Variants in CSGALNACT1 observed in about 807,000 individuals in gnomAD.
CSGALNACT1 encodes the protein chondroitin sulfate N-acetylgalactosaminyltransferase 1.
CSGALNACT1 carries 52 observed loss-of-function variants against 51.0 expected under a neutral mutation model. The observed-to-expected ratio is 1.02, with a 90% CI of 0.82 to 1.29. The LOEUF (loss-of-function observed/expected upper bound fraction) is 1.29. Ranked by LOEUF, CSGALNACT1 falls within the 50% of genes most tolerant of loss-of-function variation. The pLI, the probability that CSGALNACT1 is intolerant of heterozygous loss-of-function variation, is 0.00. For synonymous variants in CSGALNACT1, 341 were observed against 254.4 expected (o/e 1.34, Z -3.24); for missense variants, 935 against 679.2 (o/e 1.38, Z -4.19).
At chr8:19,747,142 C>A (rs1046111026) in intron 1 of CSGALNACT1, among the ~76,000 whole-genome samples, 2 of 152,244 alleles carry the variant, frequency 1.3e-5, no homozygotes, top group South Asian at 4.2e-4. Context: ...ACCCTCTGTG[C>A]ACCAGTAAAA....
chr8:19,537,605 A>G (rs991076724), intron 3 of CSGALNACT1, among the ~76,000 whole-genome samples: 3 of 152,218 alleles, frequency 2.0e-5, no homozygotes, highest in African/African-American at 7.2e-5. Flanking sequence ...CAGGATGGGA[A>G]GCCTGCAGGC....
chr8:19,754,196 T>C (rs992846987), intron 1 of CSGALNACT1, among the ~76,000 whole-genome samples: 9 of 152,130 alleles, frequency 5.9e-5, no homozygotes, highest in African/African-American at 2.2e-4. Context: ...CCCAGCTAAT[T>C]TTTGTATTTT....
intron 1 of CSGALNACT1, among the ~76,000 whole-genome samples, chr8:19,700,448 T>C (rs2061803114): frequency 6.6e-6 from 1 of 152,200 alleles, no homozygotes; most frequent in South Asian, 2.1e-4. Context: ...CTCATAATGG[T>C]ACTAAGGTGT....
Position 19,584,871 on chromosome 8 carries a change from A to G in CSGALNACT1, c.-297+6289T>C, listed in dbSNP as rs114379816. Among the ~76,000 whole-genome samples the G allele has an allele frequency of 5.0e-3, 759 of 152,278 alleles. 8 individuals are homozygous for G. The highest frequency in any genetic ancestry group is 0.017 in the African/African-American group (709 of 41,562). ...GACCAACAGCAAAGTAGATACTCTGAAGCAAGGGATGGTGACACTGTCCTG... is the reference window on the plus strand; with the variant it reads ...GACCAACAGCAAAGTAGATACTCTGGAGCAAGGGATGGTGACACTGTCCTG... On this transcript the variant is annotated intron_variant, in intron 3 of 9. Transcript: ENST00000454498.
At chr8:19,691,909 G>T (rs1295933162) in intron 1 of CSGALNACT1, among the ~76,000 whole-genome samples, 1 of 152,050 alleles carries the variant, frequency 6.6e-6, no homozygotes, top group Non-Finnish European at 1.5e-5. Context: ...CTGCTACAAA[G>T]AACTGCCCAA....
At position 19,539,414 on chromosome 8, in the gene CSGALNACT1, G is replaced by A. The variant is rs146972519; in HGVS notation, c.-296-33284C>T. Among the ~76,000 whole-genome samples the A allele has an allele frequency of 2.3e-3, 349 of 152,278 alleles. 4 individuals are homozygous for A. The highest frequency in any genetic ancestry group is 7.5e-3 in the African/African-American group (312 of 41,554). ...CAAGAAAGCTAAGTCCATTAGAACA[G>A]GGATCTTCCAAGTCCTATATTCTAC... On this transcript the variant is annotated intron_variant, in intron 3 of 9. Coordinates refer to ENST00000454498, the Ensembl canonical transcript of CSGALNACT1.
At chr8:19,423,121 T>A (rs78211070) in intron 6 of CSGALNACT1, among the ~76,000 whole-genome samples, 2,328 of 152,204 alleles carry the variant, frequency 0.015, 52 homozygotes, top group African/African-American at 0.054. Flanking sequence ...ACAGGAGAGT[T>A]CAACTACAAA....
intron 4 of CSGALNACT1, among the ~76,000 whole-genome samples, chr8:19,469,482 C>T (rs766712101): frequency 6.6e-6 from 1 of 152,144 alleles, no homozygotes; most frequent in Non-Finnish European, 1.5e-5. Context: ...CAATAAGTTT[C>T]AGGGGTGTAA....
chr8:19,560,043 G>A (rs187279089), intron 3 of CSGALNACT1, among the ~76,000 whole-genome samples: 2 of 152,250 alleles, frequency 1.3e-5, no homozygotes, highest in East Asian at 1.9e-4. Flanking sequence ...ATAGACAAAC[G>A]GCACTGACTA....
intron 5 of CSGALNACT1, among the ~76,000 whole-genome samples, chr8:19,454,713 A>T (rs891987448): frequency 6.6e-6 from 1 of 152,144 alleles, no homozygotes; most frequent in Non-Finnish European, 1.5e-5. Flanking sequence ...AGAAGATGAG[A>T]CACAGAAGGC....
At chr8:19,504,053 C>G (rs1329025358) in intron 4 of CSGALNACT1, among the ~76,000 whole-genome samples, 1 of 152,136 alleles carries the variant, frequency 6.6e-6, no homozygotes, top group Non-Finnish European at 1.5e-5. Flanking sequence ...GTTAGGTGGA[C>G]ACAGCTATAT....
chr8:19,658,734 A>C (rs2058509459), intron 1 of CSGALNACT1, among the ~76,000 whole-genome samples: 2 of 152,066 alleles, frequency 1.3e-5, no homozygotes, highest in Non-Finnish European at 2.9e-5. Context: ...GCCCTGTCTC[A>C]AAACAACAAC....
At chr8:19,718,821 C>T (rs761000503) in intron 1 of CSGALNACT1, among the ~76,000 whole-genome samples, 1 of 152,174 alleles carries the variant, frequency 6.6e-6, no homozygotes, top group African/African-American at 2.4e-5. Flanking sequence ...CAAGGATCAC[C>T]ACGACCGTGA....
chr8:19,545,725 A>T (rs1010327170), intron 3 of CSGALNACT1, among the ~76,000 whole-genome samples: 3 of 151,624 alleles, frequency 2.0e-5, no homozygotes, highest in African/African-American at 7.3e-5. Context: ...TCTCCAGGCA[A>T]CTAAAGTTAG....
intron 6 of CSGALNACT1, among the ~76,000 whole-genome samples, chr8:19,431,856 C>G (rs529019607): frequency 3.3e-5 from 5 of 151,356 alleles, no homozygotes; most frequent in East Asian, 1.9e-4. Context: ...TGTTATAAGT[C>G]TAGTTAGATT....
intron 4 of CSGALNACT1, among the ~76,000 whole-genome samples, chr8:19,465,068 C>G (rs1366272072): frequency 6.6e-6 from 1 of 152,126 alleles, no homozygotes; most frequent in African/African-American, 2.4e-5. Context: ...GCATTATTCA[C>G]AAAAGCCAAA....
At chr8:19,521,996 T>C (rs963136450) in intron 3 of CSGALNACT1, among the ~76,000 whole-genome samples, 4 of 152,210 alleles carry the variant, frequency 2.6e-5, no homozygotes, top group African/African-American at 9.6e-5. Flanking sequence ...TAGCAGTCAA[T>C]GCAGTGGTTG....
chr8:19,521,488 G>C (rs1433894950), intron 3 of CSGALNACT1, among the ~76,000 whole-genome samples: 1 of 152,180 alleles, frequency 6.6e-6, no homozygotes, highest in Non-Finnish European at 1.5e-5. Context: ...TTTGAGAACA[G>C]CCTGGCCAAC....
intron 5 of CSGALNACT1, 68 bp from the exon 5 acceptor site, chr8:19,439,999 C>T: frequency 7.5e-7 from 1 of 1,336,070 alleles, no homozygotes; most frequent in Non-Finnish European, 1.1e-6. Flanking sequence ...CAAACCAATA[C>T]CTTTTTGTAA....
Sources: gnomAD v4.1 joint callset for allele counts (sites outside exome capture counted in the v4.1 genomes callset) on GRCh38, gnomAD v4.1.1 for gene constraint, MANE v1.5 for transcripts, NCBI Gene and HGNC (gene_info 2026-07-23, HGNC 2026-07-21) for gene names.